Variants in DOCK10 observed in about 807,000 individuals in gnomAD.
The protein encoded by DOCK10 is dedicator of cytokinesis 10.
DOCK10 carries 145 observed loss-of-function variants against 280.1 expected under a neutral mutation model. That is an observed-to-expected ratio of 0.52 (90% CI 0.45 to 0.59). The LOEUF (loss-of-function observed/expected upper bound fraction) is 0.59, where lower values mean the gene tolerates loss of function less well. Ranked by LOEUF, DOCK10 falls within the 20% of genes least tolerant of loss-of-function variation. The pLI is 0.00. For missense variants in DOCK10, 2,368 were observed against 2,651.7 expected (o/e 0.89, Z 2.35); for synonymous variants, 915 against 942.2 (o/e 0.97, Z 0.53).
intron 1 of DOCK10, among the ~76,000 whole-genome samples, chr2:224,932,143 G>A (rs774801436): frequency 1.3e-5 from 2 of 152,142 alleles, no homozygotes; most frequent in South Asian, 2.1e-4. Flanking sequence ...TGGTTGTCAC[G>A]AACACATGGA....
chr2:224,848,037 C>T (rs577288653), intron 19 of DOCK10, among the ~76,000 whole-genome samples: 7 of 152,176 alleles, frequency 4.6e-5, no homozygotes, highest in South Asian at 2.1e-4. Context: ...ATACAGAAGC[C>T]GAGGTCAGAG....
rs778913938 is a variant in DOCK10, at chr2:224,841,893, G to T, written c.2572C>A (p.Pro858Thr). ...TCTTGGAAAAATGCATTCACATGTG[G>T]ATCCTACAACAGCAAAAAAAAAGTA... ...FVVSTVNTQD[P>T]HVNAFFQECQ... The change falls in exon 23 of 56, where the codon CCA (proline) becomes ACA (threonine). Residue 858 changes from proline to threonine, a missense_variant. Pro to Thr is a conservative substitution (Grantham distance 38). Around this residue, in one of 2 missense-constraint regions of DOCK10, gnomAD observed 1,209 missense variants for 1,250.9 expected, o/e 0.97. Coordinates refer to ENST00000258390, the MANE Select transcript of DOCK10 (RefSeq NM_014689.3). 2 of 1,609,252 alleles carry T rather than the reference G, an allele frequency of 1.2e-6. No individual in the cohort carries two copies. The highest frequency in any genetic ancestry group is 1.3e-5 in the African/African-American group (1 of 74,942).
chr2:224,908,244 C>T (rs898104304), intron 3 of DOCK10, among the ~76,000 whole-genome samples: 4 of 143,728 alleles, frequency 2.8e-5, no homozygotes, highest in South Asian at 2.2e-4. Context: ...ACATTTACTT[C>T]GCCTTAAATC....
intron 4 of DOCK10, among the ~76,000 whole-genome samples, chr2:224,888,841 T>A (rs1390923313): frequency 6.6e-6 from 1 of 152,018 alleles, no homozygotes; most frequent in Admixed American, 6.6e-5. Flanking sequence ...AATATGTATG[T>A]GTGAATATAT....
chr2:224,920,663 T>C (rs1000415118), intron 2 of DOCK10, among the ~76,000 whole-genome samples: 4 of 97,698 alleles, frequency 4.1e-5, no homozygotes, highest in Non-Finnish European at 7.5e-5. Context: ...TTCTTTCTAA[T>C]TAAAAAAAAA....
At chr2:224,811,233 C>T (rs537470439) in intron 31 of DOCK10, among the ~76,000 whole-genome samples, 1 of 152,250 alleles carries the variant, frequency 6.6e-6, no homozygotes, top group East Asian at 1.9e-4. Flanking sequence ...CTCTGATGGC[C>T]AGTGACGATG....
At position 225,005,733 on chromosome 2, in the gene DOCK10, G is replaced by A. The variant is rs539875161; in HGVS notation, c.123+36519C>T. 2.0e-5 allele frequency among the ~76,000 whole-genome samples: 3 copies of A among 152,286 alleles called. No homozygotes were observed. In the East Asian group the frequency reaches 5.8e-4, roughly 29 times the overall value. On this transcript the variant is annotated intron_variant, in intron 1 of 55. Coordinates refer to ENST00000258390, the MANE Select transcript of DOCK10 (RefSeq NM_014689.3). ...AAGCCCACTCGGTCTTTGTGTGAAGGGGAAGAATTGCAAATATTAGGCAAG... is the reference window on the plus strand; with the variant it reads ...AAGCCCACTCGGTCTTTGTGTGAAGAGGAAGAATTGCAAATATTAGGCAAG...
chr2:224,863,771 A>C (rs532398612), intron 13 of DOCK10, among the ~76,000 whole-genome samples: 2 of 152,202 alleles, frequency 1.3e-5, no homozygotes, highest in Non-Finnish European at 2.9e-5. Flanking sequence ...TTTTCTATTA[A>C]ACAGTAATAT....
At chr2:224,930,207 A>G (rs1702262916) in intron 2 of DOCK10, among the ~76,000 whole-genome samples, 5 of 147,218 alleles carry the variant, frequency 3.4e-5, no homozygotes, top group Admixed American at 2.7e-4. Context: ...CGGTAAAAAA[A>G]AAAAAAAAAA....
intron 4 of DOCK10, among the ~76,000 whole-genome samples, chr2:224,892,911 C>T (rs77499624): frequency 0.013 from 2,019 of 152,314 alleles, 42 homozygotes; most frequent in African/African-American, 0.045. Flanking sequence ...GCAATGACTT[C>T]TCTCTTTTAA....
chr2:224,805,095 G>C lies in DOCK10; in HGVS notation c.4081C>G (p.Pro1361Ala). ...ETLIAYWQRA[P>A]SPEVSDFFSI... is the part of the protein sequence containing the mutation. ...AAGAAGTCGGACACCTCTGGGCTGG[G>C]AGCTCTCTGCCAGTAGGCAATCAGA... Residue 1361 changes from proline (P) to alanine (A), a missense_variant, in exon 37 of 56, where the codon CCC becomes GCC. Pro to Ala is a conservative substitution (Grantham distance 27). Coordinates refer to ENST00000258390, the MANE Select transcript of DOCK10 (RefSeq NM_014689.3). The surrounding 1 kb of genome is among the most constrained non-coding windows in gnomAD (Gnocchi z 4.3). 1.1e-5 allele frequency: 18 copies of C among 1,611,782 alleles called. No individual in the cohort carries two copies. Among genetic ancestry groups the C allele is most frequent in the Non-Finnish European group, 1.5e-5 (18 of 1,178,932 alleles).
chr2:224,877,464 TGG>T (rs1698704251), intron 7 of DOCK10, among the ~76,000 whole-genome samples: 1 of 151,196 alleles, frequency 6.6e-6, no homozygotes, highest in African/African-American at 2.5e-5. Flanking sequence ...CCTATTCTAT[TGG>T]AATAGGTTCC....
intron 4 of DOCK10, among the ~76,000 whole-genome samples, chr2:224,892,985 G>A (rs867537400): frequency 6.6e-6 from 1 of 152,174 alleles, no homozygotes; most frequent in African/African-American, 2.4e-5. Context: ...GGACCATTGC[G>A]TGGTCTCTAA....
chr2:224,765,529 C>T lies in DOCK10; in HGVS notation c.*192G>A. 3.8e-6 allele frequency: 2 copies of T among 525,698 alleles called. No individual in the cohort carries two copies. The highest frequency in any genetic ancestry group is 6.4e-5 in the East Asian group (2 of 31,166). The allele number at this position is 525,698 out of a possible 1,614,324, so 32.6% of individuals were successfully genotyped here. A position where few individuals can be genotyped will look rare whatever the true frequency, so the allele number is the denominator to read the frequency against. ...CAAATATTCAACCTGGCTTGATCAACACTGCTCAAAGAAAAAAAAATTATA... is the reference window on the plus strand; with the variant it reads ...CAAATATTCAACCTGGCTTGATCAATACTGCTCAAAGAAAAAAAAATTATA... On this transcript the variant is annotated 3_prime_UTR_variant, in exon 56 of 56. Coordinates refer to ENST00000258390, the MANE Select transcript of DOCK10 (RefSeq NM_014689.3).
intron 1 of DOCK10, among the ~76,000 whole-genome samples, chr2:224,995,657 A>T (rs1706251403): frequency 6.6e-6 from 1 of 152,206 alleles, no homozygotes; most frequent in Non-Finnish European, 1.5e-5. Context: ...TGAGCCAAGA[A>T]TGTAAGTCAT....
At chr2:224,856,043 T>C (rs1160999919) in intron 15 of DOCK10, among the ~76,000 whole-genome samples, 1 of 152,158 alleles carries the variant, frequency 6.6e-6, no homozygotes, top group Non-Finnish European at 1.5e-5. Context: ...GAAGCCTCAT[T>C]GATAGGTTGG....
rs1691726504 is a variant in DOCK10 at position 224,786,274 on chromosome 2, C to T, written c.5655+748G>A. ...GAAAATAAAAGCATGGGATGTCTAT[C>T]CACACAAGCAACAGTCTAAAATACG... On this transcript the variant is annotated intron_variant, in intron 50 of 55. Transcript: ENST00000258390. This position sits in a 1 kb window ranked among gnomAD's most constrained non-coding sequence, Gnocchi z 4.7. 6.6e-6 allele frequency among the ~76,000 whole-genome samples: 1 copy of T among 152,154 alleles called. No homozygotes were observed. Among genetic ancestry groups the T allele is most frequent in the Non-Finnish European group, 1.5e-5 (1 of 68,040 alleles).
intron 26 of DOCK10, among the ~76,000 whole-genome samples, chr2:224,832,126 C>A (rs1286134036): frequency 6.6e-6 from 1 of 152,200 alleles, no homozygotes; most frequent in Non-Finnish European, 1.5e-5. Context: ...CTGCTTCCTA[C>A]TCCTTCCACC....
At chr2:225,015,165 T>C (rs1689556224) in intron 1 of DOCK10, among the ~76,000 whole-genome samples, 1 of 152,188 alleles carries the variant, frequency 6.6e-6, no homozygotes, top group Non-Finnish European at 1.5e-5. Flanking sequence ...GTAATAGCAG[T>C]CTGTTTTTTT....
Sources: gnomAD v4.1 joint callset for allele counts (sites outside exome capture counted in the v4.1 genomes callset) on GRCh38, gnomAD v4.1.1 for gene constraint, gnomAD v4.1.1 regional missense constraint, Gnocchi (gnomAD v3.1) non-coding constraint, MANE v1.5 for transcripts, NCBI Gene and HGNC (gene_info 2026-07-23, HGNC 2026-07-21) for gene names.